The following UNC5A variants were observed in gnomAD, a reference collection of about 807,000 sequenced individuals.
UNC5A encodes the protein unc-5 netrin receptor A.
Under a neutral mutation model 87.4 loss-of-function variants are expected in UNC5A, and 20 were observed. That is an observed-to-expected ratio of 0.23 (90% CI 0.16 to 0.33). The LOEUF (loss-of-function observed/expected upper bound fraction) is 0.33. Among genes scored for constraint, UNC5A ranks in the 10% least tolerant of loss-of-function variants. UNC5A has a pLI of 1.00. For synonymous variants in UNC5A, 438 were observed against 482.3 expected (o/e 0.91, Z 1.20); for missense variants, 844 against 1,133.4 (o/e 0.74, Z 3.67).
intron 1 of UNC5A, among the ~76,000 whole-genome samples, chr5:176,829,131 C>CA (rs70991572): frequency 0.035 from 3,159 of 89,172 alleles, 250 homozygotes; most frequent in African/African-American, 0.15. Context: ...GACTCCATCT[C>CA]AAAAAAAAAA....
Position 176,874,609 on chromosome 5 carries a change from C to T in UNC5A, c.1378+43C>T, listed in dbSNP as rs1758216715. 27 of 1,493,210 alleles carry T rather than the reference C, an allele frequency of 1.8e-5. No homozygotes were observed. The highest frequency in any genetic ancestry group is 2.4e-5 in the Non-Finnish European group (27 of 1,119,484). The allele number at this position is 1,493,210 out of a possible 1,614,324, so 92.5% of individuals were successfully genotyped here. On this transcript the variant is annotated intron_variant, in intron 8 of 14. Transcript: ENST00000329542. This position sits in a 1 kb window ranked among gnomAD's most constrained non-coding sequence, Gnocchi z 7.6. ...GGGCTCTGAGAGCTCCACTTCCCTC[C>T]TGGAGGAGGACGGGACAGCCGGACG...
intron 1 of UNC5A, among the ~76,000 whole-genome samples, chr5:176,842,231 G>A (rs1170288451): frequency 6.6e-6 from 1 of 152,202 alleles, no homozygotes; most frequent in Non-Finnish European, 1.5e-5. Context: ...GTAGATGTTG[G>A]CATGGATGTG....
At chr5:176,857,126 A>C (rs1228748814) in intron 1 of UNC5A, among the ~76,000 whole-genome samples, 1 of 152,200 alleles carries the variant, frequency 6.6e-6, no homozygotes, top group Non-Finnish European at 1.5e-5. Flanking sequence ...CCTTTCTGAA[A>C]GTCTGCCCCT....
At position 176,841,152 on chromosome 5, in the gene UNC5A, G is replaced by T. The variant is rs1757266717; in HGVS notation, c.71-21472G>T. ...TAAACTTGTAAGGTCAGGGGGTCAG[G>T]ACCACATGGTAATGATCACGAGCTA... On this transcript the variant is annotated intron_variant, in intron 1 of 14. Transcript: ENST00000329542. The surrounding 1 kb of genome is among the most constrained non-coding windows in gnomAD (Gnocchi z 4.1). Among the ~76,000 whole-genome samples the T allele has an allele frequency of 6.6e-6, 1 of 152,232 alleles. No individual in the cohort carries two copies. The highest frequency in any genetic ancestry group is 1.5e-5 in the Non-Finnish European group (1 of 68,042).
rs555890276 is a variant in UNC5A at position 176,860,070 on chromosome 5, C to T, written c.71-2554C>T. ...CTGATCGATAGGGAGGCTGGAGGGC[C>T]GCACACCCCCTCCCTGCCCCCACAC... On this transcript the variant is annotated intron_variant, in intron 1 of 14. Transcript: ENST00000329542. Among the ~76,000 whole-genome samples the T allele has an allele frequency of 1.7e-3, 264 of 152,318 alleles. 1 individual carries two copies. Among genetic ancestry groups the T allele is most frequent in the African/African-American group, 5.5e-3 (228 of 41,574 alleles).
chr5:176,828,016 T>C (rs1420533510), intron 1 of UNC5A, among the ~76,000 whole-genome samples: 1 of 152,030 alleles, frequency 6.6e-6, no homozygotes, highest in African/African-American at 2.4e-5. Flanking sequence ...TGGGCCTCTC[T>C]CAGCCCTCTC....
At chr5:176,878,753 T>TC (rs1758333237) in intron 13 of UNC5A, 114 bp downstream of exon 13, 1 of 1,375,480 alleles carries the variant, frequency 7.3e-7, no homozygotes, top group African/African-American at 1.4e-5. Flanking sequence ...CTCCCGCCTG[T>TC]CCCCAGGCCC....
At chr5:176,819,521 C>A (rs536512116) in intron 1 of UNC5A, among the ~76,000 whole-genome samples, 16 of 152,314 alleles carry the variant, frequency 1.1e-4, no homozygotes, top group African/African-American at 3.4e-4. Flanking sequence ...GCACCACTCT[C>A]CAACAGCCTC....
rs530658839 is a variant in UNC5A, at chr5:176,865,147, C to T, written c.292+2302C>T. On this transcript the variant is annotated intron_variant, in intron 2 of 14. Coordinates refer to ENST00000329542, the MANE Select transcript of UNC5A (RefSeq NM_133369.3). This position sits in a 1 kb window ranked among gnomAD's most constrained non-coding sequence, Gnocchi z 5.3. ...CTTTCCTTTCTCCCCACCCCACACC[C>T]GGGGCCCAGCGTCCCTTCAGCATAA... 8.5e-5 allele frequency among the ~76,000 whole-genome samples: 13 copies of T among 152,350 alleles called. No individual in the cohort carries two copies. In the South Asian group the frequency reaches 2.1e-3, roughly 24 times the overall value.
At chr5:176,868,042 C>A in intron 2 of UNC5A, 88 bp from the exon 3 acceptor site, 1 of 1,268,224 alleles carries the variant, frequency 7.9e-7, no homozygotes, top group South Asian at 1.6e-5. Flanking sequence ...TGCCAGTCAG[C>A]GAGAGTGGCT....
Position 176,844,304 on chromosome 5 carries a change from C to T in UNC5A, c.71-18320C>T, listed in dbSNP as rs1561651520. Among the ~76,000 whole-genome samples the T allele has an allele frequency of 6.6e-6, 1 of 152,148 alleles. No homozygotes were observed. The highest frequency in any genetic ancestry group is 2.4e-5 in the African/African-American group (1 of 41,442). Reference sequence around the variant, plus strand: ...CGGGGTTCTCTTGGTGGGTGTGGCACAGCTGAGGAAGCCCCACCGCTGGAG... The same window carrying T: ...CGGGGTTCTCTTGGTGGGTGTGGCATAGCTGAGGAAGCCCCACCGCTGGAG... On this transcript the variant is annotated intron_variant, in intron 1 of 14. Coordinates refer to ENST00000329542, the MANE Select transcript of UNC5A (RefSeq NM_133369.3). This position sits in a 1 kb window ranked among gnomAD's most constrained non-coding sequence, Gnocchi z 4.2.
intron 2 of UNC5A, 47 bp from the exon 3 acceptor site, chr5:176,868,083 C>A (rs549600836): frequency 6.3e-7 from 1 of 1,589,658 alleles, no homozygotes; most frequent in South Asian, 1.1e-5. Flanking sequence ...CACACAGAAG[C>A]TCAGGGTGGC....
At chr5:176,860,008 G>T (rs1008457517) in intron 1 of UNC5A, among the ~76,000 whole-genome samples, 4 of 152,226 alleles carry the variant, frequency 2.6e-5, no homozygotes, top group East Asian at 3.8e-4. Flanking sequence ...ATTGTGCTGG[G>T]TTCACCAGGC....
chr5:176,823,140 G>A (rs1008854497), intron 1 of UNC5A, among the ~76,000 whole-genome samples: 13 of 148,178 alleles, frequency 8.8e-5, no homozygotes, highest in African/African-American at 3.0e-4. Context: ...GGGAGACGCT[G>A]CAAAGGGGGA....
intron 6 of UNC5A, among the ~76,000 whole-genome samples, chr5:176,873,351 C>G (rs913761758): frequency 2.0e-5 from 3 of 152,162 alleles, no homozygotes; most frequent in African/African-American, 7.2e-5. Context: ...ATACCCTCCC[C>G]CATTCTTTCA....
intron 1 of UNC5A, among the ~76,000 whole-genome samples, chr5:176,833,701 T>C (rs539533453): frequency 6.6e-6 from 1 of 151,140 alleles, no homozygotes; most frequent in Non-Finnish European, 1.5e-5. Context: ...TCTTTTTTTA[T>C]CTTTTTTCTT....
chr5:176,863,013 C>T (rs1363810074), intron 2 of UNC5A, among the ~76,000 whole-genome samples, 168 bp downstream of exon 2: 1 of 152,198 alleles, frequency 6.6e-6, no homozygotes, highest in Non-Finnish European at 1.5e-5. Flanking sequence ...GAGAGGGGGT[C>T]CCTGATGACC....
At chr5:176,868,003 T>TAA (rs374478662) in intron 2 of UNC5A, 127 bp from the exon 3 acceptor site, 848 of 569,306 alleles carry the variant, frequency 1.5e-3, no homozygotes, top group African/African-American at 5.6e-3. Context: ...TAATAAAATT[T>TAA]AAAAAAAAAA....
At chr5:176,864,962 G>C (rs1757935661) in intron 2 of UNC5A, 1 of 387,684 alleles carries the variant, frequency 2.6e-6, no homozygotes, top group African/African-American at 2.1e-5. Context: ...TTGCTGGGAG[G>C]GTCTGCAGGA....
Sources: gnomAD v4.1 joint callset for allele counts (sites outside exome capture counted in the v4.1 genomes callset) on GRCh38, gnomAD v4.1.1 for gene constraint, Gnocchi (gnomAD v3.1) non-coding constraint, MANE v1.5 for transcripts, NCBI Gene and HGNC (gene_info 2026-07-23, HGNC 2026-07-21) for gene names.